NR4A1: variants seen among roughly 807,000 people sequenced by gnomAD.
The protein encoded by NR4A1 is nuclear receptor subfamily 4immunitygroup A member 1.
A neutral mutation model predicts 47.5 loss-of-function variants in NR4A1; 24 were observed. The ratio of observed to expected loss-of-function variants is 0.50; its 90% CI spans 0.37 to 0.71. The LOEUF (loss-of-function observed/expected upper bound fraction) is 0.71, where lower values mean the gene tolerates loss of function less well. Ranked by LOEUF, NR4A1 falls within the 30% of genes least tolerant of loss-of-function variation. The pLI, the probability that NR4A1 is intolerant of heterozygous loss-of-function variation, is 0.00. For missense variants in NR4A1, 669 were observed against 788.6 expected, an observed-to-expected ratio of 0.85 and a Z score of 1.82; for synonymous variants, 353 against 345.7, an observed-to-expected ratio of 1.02 and a Z score of -0.24.
At chr12:52,045,643 G>C (rs1938605539) in intron 2 of NR4A1, 2 of 381,668 alleles carry the variant, frequency 5.2e-6, no homozygotes, top group African/African-American at 4.2e-5. Flanking sequence ...ACTGGCCTCA[G>C]GTCACACATC....
At chr12:52,052,646 G>T (rs1229497576) in intron 1 of NR4A1, 18 of 985,566 alleles carry the variant, frequency 1.8e-5, no homozygotes, top group Non-Finnish European at 2.2e-5. Context: ...GAGGCTAGAT[G>T]TAGGTCCATA....
chr12:52,057,616 T>C (rs561482497), intron 6 of NR4A1, 86 bp downstream of exon 6: 12 of 1,509,214 alleles, frequency 8.0e-6, no homozygotes, highest in South Asian at 1.2e-5. Context: ...CCAGGGAGTT[T>C]GGTGGGCCGG....
rs971216034 is a variant in NR4A1 at position 52,056,962 on chromosome 12, C to T, written c.1159-95C>T. Reference sequence around the variant, plus strand: ...CAGGATCTCAGATCCACTCCCACTCCCGGGATCTGGCATCCAAGTGTCTGA... The same window carrying T: ...CAGGATCTCAGATCCACTCCCACTCTCGGGATCTGGCATCCAAGTGTCTGA... On this transcript the variant is annotated intron_variant, in intron 4 of 6. Coordinates refer to ENST00000394825, the MANE Select transcript of NR4A1 (RefSeq NM_173157.3). 7.4e-6 allele frequency: 9 copies of T among 1,216,290 alleles called. No individual in the cohort carries two copies. In the East Asian group the frequency reaches 7.7e-5, roughly 10 times the overall value. The allele number at this position is 1,216,290 out of a possible 1,614,324, so 75.3% of individuals were successfully genotyped here.
upstream of NR4A1, among the ~76,000 whole-genome samples, chr12:52,047,079 G>A (rs139580289): frequency 7.0e-4 from 106 of 152,106 alleles, no homozygotes; most frequent in East Asian, 6.4e-3. Flanking sequence ...ATCTCTCCCC[G>A]CCCTTCCATG....
At chr12:52,045,474 T>C (rs1455725417) in intron 2 of NR4A1, 1 of 449,042 alleles carries the variant, frequency 2.2e-6, no homozygotes, top group Middle Eastern at 3.3e-4. Context: ...TCACTTGCCA[T>C]TACAGGTTTC....
At chr12:52,044,024 G>A (rs1313224040) in intron 2 of NR4A1, 11 of 904,920 alleles carry the variant, frequency 1.2e-5, no homozygotes, top group African/African-American at 8.6e-5. Context: ...GGAAGCAAGG[G>A]TGGCCGACAA....
At chr12:52,057,576 G>A (rs1309912120) in intron 6 of NR4A1, 46 bp downstream of exon 6, 1 of 1,603,890 alleles carries the variant, frequency 6.2e-7, no homozygotes, top group Non-Finnish European at 8.5e-7. Context: ...GGGCGTCAGG[G>A]GGTTGACTGG....
At chr12:52,055,570 G>A (rs1454344679) in intron 2 of NR4A1, 11 of 513,482 alleles carry the variant, frequency 2.1e-5, no homozygotes, top group Admixed American at 3.7e-5. Flanking sequence ...TGTTCCTGGC[G>A]TGAGATGAAA....
chr12:52,055,992 C>G, intron 2 of NR4A1, 38 bp from the exon 3 acceptor site: 1 of 1,292,312 alleles, frequency 7.7e-7, no homozygotes, highest in Non-Finnish European at 1.0e-6. Context: ...CCCCACCCCA[C>G]ACTCTGACAG....
chr12:52,029,464 G>A (rs1239517353), intron 1 of NR4A1, among the ~76,000 whole-genome samples: 1 of 152,152 alleles, frequency 6.6e-6, no homozygotes, highest in Non-Finnish European at 1.5e-5. Flanking sequence ...GAGGTGGGTG[G>A]ATTGCTTGAG....
In NR4A1 at chr12:52,054,690, A is replaced by G; in HGVS notation, c.362A>G (p.Asp121Gly). 6.2e-7 allele frequency: 1 copy of G among 1,613,890 alleles called. No homozygotes were observed. Among genetic ancestry groups the G allele is most frequent in the Non-Finnish European group, 8.5e-7 (1 of 1,179,994 alleles). Reference protein sequence around the residue: ...CYPGPLSGPVDEALSSSGSDY... With the variant: ...CYPGPLSGPVGEALSSSGSDY... ...CCCGGCCCCCTGAGCGGCCCAGTGG[A>G]TGAGGCCCTGTCCTCCAGTGGCTCT... is the stretch of plus-strand genomic sequence containing the variant. The change falls in exon 2 of 7, where the codon GAT (aspartate) becomes GGT (glycine). Residue 121 changes from aspartate (D) to glycine (G), a missense_variant. Coordinates refer to ENST00000394825, the MANE Select transcript of NR4A1 (RefSeq NM_173157.3).
upstream of NR4A1, among the ~76,000 whole-genome samples, chr12:52,050,053 T>C (rs1257735170): frequency 1.3e-5 from 2 of 151,866 alleles, no homozygotes; most frequent in African/African-American, 2.4e-5. Flanking sequence ...GGGGAATGGA[T>C]GGGGGTCGCA....
chr12:52,024,043 TCGC>T (rs1280499428), intron 1 of NR4A1, among the ~76,000 whole-genome samples: 1 of 151,458 alleles, frequency 6.6e-6, no homozygotes, highest in Non-Finnish European at 1.5e-5. Context: ...TGAGGGAGAG[TCGC>T]GGCCTCTCTG....
chr12:52,054,917 G>A lies in NR4A1; in HGVS notation c.589G>A (p.Gly197Ser). The A allele has an allele frequency of 3.1e-6, 5 of 1,614,110 alleles. No homozygotes were observed. The highest frequency in any genetic ancestry group is 4.2e-6 in the Non-Finnish European group (5 of 1,180,014). ...CTTCTTTTCCTTCAGTCCTCCCACC[G>A]GCCCCAGCCCCAGCCTGGCCCAGAG... Reference protein sequence around the residue: ...PAFFSFSPPTGPSPSLAQSPL... With the variant: ...PAFFSFSPPTSPSPSLAQSPL... The change falls in exon 2 of 7, where the codon GGC (glycine) becomes AGC (serine). Residue 197 changes from glycine (G) to serine (S), a missense_variant. Transcript: ENST00000394825.
intron 4 of NR4A1, 48 bp from the exon 5 acceptor site, chr12:52,057,009 G>A (rs1486426444): frequency 1.3e-6 from 2 of 1,512,282 alleles, no homozygotes; most frequent in African/African-American, 2.8e-5. Context: ...GTGGCAGTGG[G>A]TGTAGGAGCC....
intron 1 of NR4A1, chr12:52,054,067 G>A (rs1939114280): frequency 4.0e-6 from 2 of 504,694 alleles, no homozygotes; most frequent in Admixed American, 3.7e-5. Flanking sequence ...GGGTTCCCAG[G>A]CTGACTAGGG....
At chr12:52,052,417 A>G (rs754812455) in intron 1 of NR4A1, 216 of 928,454 alleles carry the variant, frequency 2.3e-4, no homozygotes, top group Admixed American at 2.2e-3. Context: ...TGCCTAGAGG[A>G]TACCTCCCAA....
At chr12:52,028,279 G>T (rs1358096987) in intron 1 of NR4A1, among the ~76,000 whole-genome samples, 2 of 147,880 alleles carry the variant, frequency 1.4e-5, no homozygotes, top group Non-Finnish European at 3.0e-5. Flanking sequence ...GTGCCTTTAA[G>T]ATACCTGCTT....
chr12:52,034,406 C>T (rs2120934716), intron 1 of NR4A1, among the ~76,000 whole-genome samples: 1 of 152,350 alleles, frequency 6.6e-6, no homozygotes, highest in East Asian at 1.9e-4. Flanking sequence ...AGGAACCTCC[C>T]ACAATGTGGG....
Sources: gnomAD v4.1 joint callset for allele counts (sites outside exome capture counted in the v4.1 genomes callset) on GRCh38, gnomAD v4.1.1 for gene constraint, MANE v1.5 for transcripts, NCBI Gene and HGNC (gene_info 2026-07-23, HGNC 2026-07-21) for gene names.